Variants in SNX24 observed in about 807,000 individuals in gnomAD.
SNX24 encodes the protein sorting nexin-24.
Under a neutral mutation model 28.7 loss-of-function variants are expected in SNX24, and 22 were observed. The observed-to-expected ratio is 0.77, with a 90% CI of 0.55 to 1.10. The LOEUF is 1.10. Ranked by LOEUF, SNX24 falls within the 50% of genes least tolerant of loss-of-function variation. The probability of loss-of-function intolerance (pLI) is 0.00; values close to 1 mark genes in which losing one functional copy is unlikely to be tolerated. For missense variants in SNX24, 221 were observed against 201.1 expected, an observed-to-expected ratio of 1.10 and a Z score of -0.60; for synonymous variants, 69 against 71.5, an observed-to-expected ratio of 0.96 and a Z score of 0.18.
At chr5:122,848,831 A>T (rs1216577194) in intron 1 of SNX24, among the ~76,000 whole-genome samples, 2 of 152,324 alleles carry the variant, frequency 1.3e-5, no homozygotes, top group Admixed American at 1.3e-4. Context: ...ATTCCCCCAG[A>T]AGTAAAGTTT....
chr5:122,883,309 C>G (rs1265552501), intron 1 of SNX24, among the ~76,000 whole-genome samples: 1 of 152,052 alleles, frequency 6.6e-6, no homozygotes, highest in African/African-American at 2.4e-5. Flanking sequence ...AAAATTGTCC[C>G]CTATGAGTTA....
chr5:122,916,873 C>T (rs1265025489), intron 1 of SNX24, among the ~76,000 whole-genome samples: 2 of 152,164 alleles, frequency 1.3e-5, no homozygotes, highest in Non-Finnish European at 2.9e-5. Context: ...GGTCTTCTTT[C>T]TGAGCTCTAG....
At chr5:122,892,831 C>T (rs973496817) in intron 1 of SNX24, among the ~76,000 whole-genome samples, 11 of 151,806 alleles carry the variant, frequency 7.2e-5, no homozygotes, top group Admixed American at 2.6e-4. Flanking sequence ...TGCAGTGGCT[C>T]GATCTCGGCT....
chr5:122,972,912 C>T (rs536744713), intron 3 of SNX24, among the ~76,000 whole-genome samples: 5 of 152,164 alleles, frequency 3.3e-5, no homozygotes, highest in South Asian at 2.1e-4. Context: ...ATAGCTAGGT[C>T]GGCCTTGCTG....
chr5:122,943,993 C>T (rs1005077077), intron 2 of SNX24, among the ~76,000 whole-genome samples: 1 of 152,204 alleles, frequency 6.6e-6, no homozygotes, highest in African/African-American at 2.4e-5. Context: ...GCCTGTTGAG[C>T]ATCTCTGACT....
intron 1 of SNX24, among the ~76,000 whole-genome samples, chr5:122,867,611 C>T (rs1755778693): frequency 6.6e-6 from 1 of 152,178 alleles, no homozygotes. Flanking sequence ...ATTCCTGCCA[C>T]CATGGCTACT....
At chr5:122,956,431 G>A (rs550319271) in intron 3 of SNX24, among the ~76,000 whole-genome samples, 6 of 148,910 alleles carry the variant, frequency 4.0e-5, no homozygotes, top group African/African-American at 1.5e-4. Flanking sequence ...ATTTTTTTTA[G>A]CTGTACATCA....
At chr5:122,937,581 G>A (rs1051475499) in intron 2 of SNX24, among the ~76,000 whole-genome samples, 2 of 152,082 alleles carry the variant, frequency 1.3e-5, no homozygotes, top group Non-Finnish European at 2.9e-5. Flanking sequence ...GAAAAATCCC[G>A]TTAACAGGAT....
rs73799909 is a variant in SNX24 at position 122,951,993 on chromosome 5, G to A, written c.249+5834G>A. ...TGAGTGCTGGCATGACGCCACAAGA[G>A]GAAAATTCTCTACATAAGAACTTAA... On this transcript the variant is annotated intron_variant, in intron 3 of 6. Transcript: ENST00000261369. Among the ~76,000 whole-genome samples, 686 of 152,326 alleles carry A rather than the reference G, an allele frequency of 4.5e-3. 5 individuals are homozygous for A. Among genetic ancestry groups the A allele is most frequent in the African/African-American group, 0.015 (633 of 41,570 alleles).
chr5:122,856,892 G>A (rs1196988826), intron 1 of SNX24, among the ~76,000 whole-genome samples: 1 of 152,166 alleles, frequency 6.6e-6, no homozygotes, highest in Non-Finnish European at 1.5e-5. Flanking sequence ...ATTCGGTGCT[G>A]CAGTCTATTT....
rs11341488 is a variant in SNX24, at chr5:123,017,428, G to GT, written n.384-11795dup. Among the ~76,000 whole-genome samples, 500 of 134,278 alleles carry GT rather than the reference G, an allele frequency of 3.7e-3. 2 individuals carry two copies. The highest frequency in any genetic ancestry group is 0.02 in the South Asian group (78 of 3,930). 88.1% of individuals were successfully genotyped at this position (134,278 alleles called of 152,430 possible). A position where few individuals can be genotyped will look rare whatever the true frequency, so the allele number is the denominator to read the frequency against. On this transcript the variant is annotated intron_variant and non_coding_transcript_variant, in intron 5 of 5. Coordinates refer to the SNX24 transcript ENST00000502387. ...ACCTCAATTCAGAAAATAAAAAGTT[G>GT]TTTTTTTTTTTTTTTAAGATAAGTC...
chr5:122,873,261 C>T (rs1561532093), intron 1 of SNX24, among the ~76,000 whole-genome samples: 1 of 152,122 alleles, frequency 6.6e-6, no homozygotes, highest in African/African-American at 2.4e-5. Context: ...CGGCATGAGA[C>T]CATACCCAGT....
At chr5:123,029,108 A>G in intron 5 of SNX24, 1 of 998,466 alleles carries the variant, frequency 1.0e-6, no homozygotes, top group Non-Finnish European at 1.4e-6. Flanking sequence ...TTTTCACTTG[A>G]TGATGATTTT....
At chr5:123,004,148 T>A (rs1039231796) in intron 6 of SNX24, among the ~76,000 whole-genome samples, 10 of 152,206 alleles carry the variant, frequency 6.6e-5, no homozygotes, top group African/African-American at 2.2e-4. Context: ...CAGAGGAGTG[T>A]CTGTCTTCAA....
At chr5:122,851,674 G>A (rs2150031177) in intron 1 of SNX24, among the ~76,000 whole-genome samples, 1 of 152,230 alleles carries the variant, frequency 6.6e-6, no homozygotes, top group Admixed American at 6.5e-5. Context: ...GGATCATAAT[G>A]TGAAATATTA....
At chr5:122,889,739 A>ATATG (rs1554069825) in intron 1 of SNX24, among the ~76,000 whole-genome samples, 7 of 129,836 alleles carry the variant, frequency 5.4e-5, no homozygotes, top group African/African-American at 1.4e-4. Context: ...ATATATATAT[A>ATATG]TGTGTATATA....
At chr5:122,958,772 C>A (rs1330969525) in intron 3 of SNX24, among the ~76,000 whole-genome samples, 1 of 151,522 alleles carries the variant, frequency 6.6e-6, no homozygotes, top group Non-Finnish European at 1.5e-5. Context: ...GTTGCCCAGG[C>A]TGGTCTCAGA....
chr5:122,937,348 T>G (rs1023544624), intron 2 of SNX24, among the ~76,000 whole-genome samples: 6 of 152,102 alleles, frequency 3.9e-5, no homozygotes, highest in African/African-American at 1.2e-4. Context: ...AAGGGCCACT[T>G]TACAAAACTG....
chr5:122,866,325 T>G (rs538580715), intron 1 of SNX24, among the ~76,000 whole-genome samples: 1 of 152,242 alleles, frequency 6.6e-6, no homozygotes, highest in East Asian at 1.9e-4. Flanking sequence ...ATTTTTGTAT[T>G]TTTAGTAGAG....
Sources: allele counts gnomAD v4.1 joint callset (sites outside exome capture counted in the v4.1 genomes callset), GRCh38; gene constraint gnomAD v4.1.1; transcripts MANE v1.5; gene names NCBI Gene and HGNC (gene_info 2026-07-23, HGNC 2026-07-21).